SPON1: variants seen among roughly 807,000 people sequenced by gnomAD.
SPON1 encodes spondin 1.
A neutral mutation model predicts 111.7 loss-of-function variants in SPON1; 52 were observed. The ratio of observed to expected loss-of-function variants is 0.47; its 90% CI spans 0.37 to 0.59. SPON1 has a LOEUF of 0.59. Ranked by LOEUF, SPON1 falls within the 20% of genes least tolerant of loss-of-function variation. SPON1 has a pLI of 0.00. For missense variants in SPON1, 957 were observed against 1,068.5 expected (o/e 0.90, Z 1.46); for synonymous variants, 410 against 395.8 (o/e 1.04, Z -0.43).
chr11:14,096,219 A>C (rs554028968), intron 5 of SPON1, among the ~76,000 whole-genome samples: 8 of 152,288 alleles, frequency 5.3e-5, no homozygotes, highest in African/African-American at 1.9e-4. Flanking sequence ...GTGGAGAAGG[A>C]AAGTCCATGA....
intron 5 of SPON1, among the ~76,000 whole-genome samples, chr11:14,098,089 G>C (rs760790305): frequency 6.6e-6 from 1 of 152,154 alleles, no homozygotes; most frequent in African/African-American, 2.4e-5. Flanking sequence ...TCCGCCTCCC[G>C]GGTTCACACC....
intron 2 of SPON1, among the ~76,000 whole-genome samples, chr11:14,016,349 C>A (rs1554914283): frequency 1.3e-5 from 2 of 152,206 alleles, no homozygotes; most frequent in African/African-American, 4.8e-5. Context: ...CTTGTGCAAA[C>A]GTGTGAGAAA....
intron 3 of SPON1, among the ~76,000 whole-genome samples, chr11:14,045,561 G>A (rs1413943508): frequency 6.6e-6 from 1 of 151,540 alleles, no homozygotes; most frequent in African/African-American, 2.4e-5. Context: ...CTGGGGGACA[G>A]AGTGAGACTC....
intron 2 of SPON1, among the ~76,000 whole-genome samples, chr11:14,005,854 T>C (rs1255611688): frequency 1.3e-5 from 2 of 152,210 alleles, no homozygotes; most frequent in African/African-American, 2.4e-5. Flanking sequence ...CTGAGAGACC[T>C]GGGTTCAAAT....
intron 6 of SPON1, among the ~76,000 whole-genome samples, chr11:14,190,107 A>G (rs1279936208): frequency 6.6e-6 from 1 of 152,160 alleles, no homozygotes; most frequent in Non-Finnish European, 1.5e-5. Flanking sequence ...CAATTTCACA[A>G]TTGGGCTTTT....
intron 2 of SPON1, among the ~76,000 whole-genome samples, chr11:14,026,410 AT>A (rs1848518338): frequency 6.6e-6 from 1 of 152,234 alleles, no homozygotes; most frequent in Admixed American, 6.5e-5. Context: ...GATGTGTACC[AT>A]ATTCAGTAAG....
At chr11:14,162,911 G>C (rs1321078095) in intron 6 of SPON1, among the ~76,000 whole-genome samples, 5 of 152,192 alleles carry the variant, frequency 3.3e-5, no homozygotes, top group Non-Finnish European at 5.9e-5. Flanking sequence ...GCAAGCATCG[G>C]CTGGTCCTGC....
intron 3 of SPON1, among the ~76,000 whole-genome samples, chr11:14,071,316 G>A (rs1412199378): frequency 6.6e-6 from 1 of 152,146 alleles, no homozygotes; most frequent in African/African-American, 2.4e-5. Context: ...TAGCATCTCT[G>A]TAGGTGAATG....
chr11:14,259,799 CAGAGG>C lies in SPON1; in HGVS notation c.1831+100_1831+104del, dbSNP rs1591430551. 1.8e-5 allele frequency: 24 copies of C among 1,337,334 alleles called. No individual in the cohort carries two copies. In the South Asian group the frequency reaches 3.3e-4, roughly 19 times the overall value. 82.8% of individuals were successfully genotyped at this position (1,337,334 alleles called of 1,614,324 possible). A position where few individuals can be genotyped will look rare whatever the true frequency, so the allele number is the denominator to read the frequency against. ...ACCACCATAAAGGTCGGAGGCTGAG[CAGAGG>C]AAAGCATGGCCCATGGTCCTTGCTG... On this transcript the variant is annotated intron_variant, in intron 13 of 15. Transcript: ENST00000576479. The surrounding 1 kb of genome is among the most constrained non-coding windows in gnomAD (Gnocchi z 5.0).
At chr11:14,265,100 T>A (rs537371752) in intron 15 of SPON1, among the ~76,000 whole-genome samples, 5 of 152,136 alleles carry the variant, frequency 3.3e-5, no homozygotes, top group Non-Finnish European at 7.4e-5. Context: ...GGTGGCACAA[T>A]TGGACCAGAC....
chr11:14,039,391 G>A (rs76124117), intron 2 of SPON1, among the ~76,000 whole-genome samples: 1 of 152,214 alleles, frequency 6.6e-6, no homozygotes, highest in Non-Finnish European at 1.5e-5. Flanking sequence ...GTATCATTCT[G>A]ATATAGGATG....
At chr11:14,038,557 C>T (rs1554916934) in intron 2 of SPON1, among the ~76,000 whole-genome samples, 1 of 152,046 alleles carries the variant, frequency 6.6e-6, no homozygotes, top group African/African-American at 2.4e-5. Context: ...AAACAGAAAC[C>T]TCACCAAAGA....
intron 3 of SPON1, among the ~76,000 whole-genome samples, chr11:14,053,029 A>G (rs1848719363): frequency 6.6e-6 from 1 of 152,182 alleles, no homozygotes; most frequent in Non-Finnish European, 1.5e-5. Context: ...TGGCAGCAAG[A>G]CTAGTTCCAA....
intron 6 of SPON1, among the ~76,000 whole-genome samples, chr11:14,176,559 C>A (rs1282880434): frequency 6.6e-6 from 1 of 152,128 alleles, no homozygotes; most frequent in Non-Finnish European, 1.5e-5. Flanking sequence ...CAGAACCAGT[C>A]GGGAGAAGGA....
At chr11:14,056,474 CCATTT>C (rs10573801) in intron 3 of SPON1, among the ~76,000 whole-genome samples, 10,792 of 152,064 alleles carry the variant, frequency 0.071, 1,266 homozygotes, top group African/African-American at 0.25. Context: ...CACTGGATCT[CCATTT>C]CTTTTACTTG....
intron 6 of SPON1, among the ~76,000 whole-genome samples, chr11:14,154,440 C>T (rs1255773548): frequency 6.6e-6 from 1 of 152,234 alleles, no homozygotes; most frequent in Non-Finnish European, 1.5e-5. Context: ...TGACCTGAGA[C>T]ATATCTTGGC....
At chr11:14,139,836 T>C (rs187765824) in intron 6 of SPON1, among the ~76,000 whole-genome samples, 1 of 152,036 alleles carries the variant, frequency 6.6e-6, no homozygotes, top group Non-Finnish European at 1.5e-5. Context: ...CAAATGACCA[T>C]GAAGCAGAAA....
At chr11:14,075,479 C>T (rs937957639) in intron 4 of SPON1, 61 bp downstream of exon 4, 17 of 1,226,896 alleles carry the variant, frequency 1.4e-5, no homozygotes, top group African/African-American at 4.5e-5. Flanking sequence ...TCCTCCTGCA[C>T]GATCCTCCTG....
chr11:14,040,086 C>G (rs1412609317), intron 2 of SPON1, among the ~76,000 whole-genome samples: 13 of 152,156 alleles, frequency 8.5e-5, no homozygotes, highest in Admixed American at 8.5e-4. Context: ...AAAGGTATAG[C>G]TATTCTGCAG....
Sources: gnomAD v4.1 joint callset for allele counts (sites outside exome capture counted in the v4.1 genomes callset) on GRCh38, gnomAD v4.1.1 for gene constraint, Gnocchi (gnomAD v3.1) non-coding constraint, MANE v1.5 for transcripts, NCBI Gene and HGNC (gene_info 2026-07-23, HGNC 2026-07-21) for gene names.